Variants in NAALADL2 observed in about 807,000 individuals in gnomAD.
NAALADL2 encodes inactive N-acetylated-alpha-linked acidic dipeptidase-like protein 2.
NAALADL2 carries 76 observed loss-of-function variants against 87.2 expected under a neutral mutation model. The observed-to-expected ratio is 0.87, with a 90% CI of 0.72 to 1.05. NAALADL2 has a LOEUF of 1.05. Ranked by LOEUF, NAALADL2 falls within the 50% of genes least tolerant of loss-of-function variation. NAALADL2 has a pLI of 0.00. For synonymous variants in NAALADL2, 354 were observed against 331.0 expected, an observed-to-expected ratio of 1.07 and a Z score of -0.75; for missense variants, 1,089 against 945.8, an observed-to-expected ratio of 1.15 and a Z score of -1.99.
chr3:175,179,171 T>C (rs1381129299), intron 2 of NAALADL2, among the ~76,000 whole-genome samples: 1 of 152,062 alleles, frequency 6.6e-6, no homozygotes, highest in African/African-American at 2.4e-5. Flanking sequence ...CTTCCATTGA[T>C]AAATCTTCCC....
At chr3:175,295,838 T>A (rs1365858611) in intron 4 of NAALADL2, among the ~76,000 whole-genome samples, 1 of 152,048 alleles carries the variant, frequency 6.6e-6, no homozygotes, top group African/African-American at 2.4e-5. Context: ...ATAATCTGAC[T>A]CTGACCTGTC....
rs1192873546 is a variant in NAALADL2, at chr3:175,361,712, T to A, written c.1090+37387T>A. On this transcript the variant is annotated intron_variant, in intron 5 of 13. Coordinates refer to ENST00000454872, the MANE Select transcript of NAALADL2 (RefSeq NM_207015.3). ...ATCCTTCGCCCACTTTTTGATGGGG[T>A]TGTTTGATTTTTTCTTGTAAATTTG... Among the ~76,000 whole-genome samples, 3 of 148,160 alleles carry A rather than the reference T, an allele frequency of 2.0e-5. 1 individual carries two copies. The East Asian group carries it at 6.0e-4, about 30-fold the overall frequency.
intron 1 of NAALADL2, among the ~76,000 whole-genome samples, chr3:174,504,509 A>G (rs1163393383): frequency 1.3e-5 from 2 of 152,156 alleles, no homozygotes; most frequent in Admixed American, 6.5e-5. Context: ...TATGCAGAGT[A>G]GAAGAGACTT....
intron 1 of NAALADL2, among the ~76,000 whole-genome samples, chr3:174,887,910 A>G (rs1351652562): frequency 6.6e-6 from 1 of 152,092 alleles, no homozygotes; most frequent in Non-Finnish European, 1.5e-5. Flanking sequence ...CAAAAGTAAG[A>G]TAGACAATAA....
chr3:174,752,394 T>A (rs1734922724), intron 3 of NAALADL2, among the ~76,000 whole-genome samples: 2 of 152,322 alleles, frequency 1.3e-5, no homozygotes, highest in African/African-American at 2.4e-5. Flanking sequence ...TAGGTTTTTA[T>A]CTCTTGAATT....
chr3:175,567,056 C>T (rs1048358363), intron 9 of NAALADL2, among the ~76,000 whole-genome samples: 1 of 152,144 alleles, frequency 6.6e-6, no homozygotes, highest in Admixed American at 6.5e-5. Context: ...CTGGAACTTA[C>T]TGTGGTTTAA....
At chr3:174,734,995 C>A (rs1309155276) in intron 2 of NAALADL2, among the ~76,000 whole-genome samples, 2 of 152,022 alleles carry the variant, frequency 1.3e-5, no homozygotes, top group Non-Finnish European at 2.9e-5. Flanking sequence ...TACAATACTA[C>A]AAGTTAATCT....
chr3:175,028,805 A>G (rs1018100678), intron 1 of NAALADL2, among the ~76,000 whole-genome samples: 1 of 151,872 alleles, frequency 6.6e-6, no homozygotes, highest in African/African-American at 2.4e-5. Flanking sequence ...GGAAATAAAA[A>G]TCAATTTTTA....
intron 1 of NAALADL2, among the ~76,000 whole-genome samples, chr3:174,442,847 G>A (rs1402708858): frequency 6.6e-6 from 1 of 152,158 alleles, no homozygotes; most frequent in Admixed American, 6.5e-5. Flanking sequence ...GAAGTCCTCT[G>A]GAGAAGGTGA....
chr3:175,657,603 C>T (rs1318688797), intron 11 of NAALADL2, among the ~76,000 whole-genome samples: 2 of 147,634 alleles, frequency 1.4e-5, no homozygotes, highest in Non-Finnish European at 3.0e-5. Context: ...TCTTTTGAGA[C>T]GGAGTCTTGC....
At chr3:175,756,532 T>C (rs1747283144) in intron 13 of NAALADL2, among the ~76,000 whole-genome samples, 1 of 152,134 alleles carries the variant, frequency 6.6e-6, no homozygotes, top group South Asian at 2.1e-4. Flanking sequence ...GCAGCATGGA[T>C]AGAGCTGGAG....
chr3:174,685,083 A>T (rs990247679), intron 2 of NAALADL2, among the ~76,000 whole-genome samples: 1 of 152,012 alleles, frequency 6.6e-6, no homozygotes, highest in African/African-American at 2.4e-5. Context: ...TCACGGTTTT[A>T]AAAAACTGCT....
At chr3:175,641,936 T>C (rs190497765) in intron 11 of NAALADL2, among the ~76,000 whole-genome samples, 2 of 152,196 alleles carry the variant, frequency 1.3e-5, no homozygotes, top group African/African-American at 2.4e-5. Flanking sequence ...ATGCTATAAT[T>C]TTTTAGTGAA....
At chr3:174,491,569 A>G (rs1718197123) in intron 1 of NAALADL2, among the ~76,000 whole-genome samples, 1 of 152,200 alleles carries the variant, frequency 6.6e-6, no homozygotes, top group Non-Finnish European at 1.5e-5. Context: ...AATTTAGTAT[A>G]TAGCTAGTTT....
chr3:175,230,487 G>A (rs1331792774), intron 2 of NAALADL2, among the ~76,000 whole-genome samples: 2 of 151,838 alleles, frequency 1.3e-5, no homozygotes, highest in Admixed American at 6.6e-5. Context: ...TACATGAAAG[G>A]AAACATGAAT....
chr3:174,828,879 G>T (rs1325993345), intron 3 of NAALADL2, among the ~76,000 whole-genome samples: 1 of 152,084 alleles, frequency 6.6e-6, no homozygotes, highest in Non-Finnish European at 1.5e-5. Flanking sequence ...AGAACAAAAT[G>T]CTCTACATTG....
chr3:175,190,373 C>A (rs993104223), intron 2 of NAALADL2, among the ~76,000 whole-genome samples: 3 of 151,624 alleles, frequency 2.0e-5, no homozygotes, highest in Non-Finnish European at 4.4e-5. Context: ...AAAAAATAAC[C>A]CAATAAAAAA....
chr3:175,763,959 T>C (rs1351723188), intron 13 of NAALADL2, among the ~76,000 whole-genome samples: 1 of 152,098 alleles, frequency 6.6e-6, no homozygotes, highest in African/African-American at 2.4e-5. Flanking sequence ...TTCATTTGGA[T>C]TGATTTGAAA....
At chr3:175,779,144 A>AT (rs1350309600) in intron 13 of NAALADL2, among the ~76,000 whole-genome samples, 4 of 152,162 alleles carry the variant, frequency 2.6e-5, no homozygotes, top group Non-Finnish European at 5.9e-5. Flanking sequence ...ATTTGTGTAG[A>AT]TTTTTGTCAG....
Sources: gnomAD v4.1 joint callset for allele counts (sites outside exome capture counted in the v4.1 genomes callset) on GRCh38, gnomAD v4.1.1 for gene constraint, MANE v1.5 for transcripts, NCBI Gene and HGNC (gene_info 2026-07-23, HGNC 2026-07-21) for gene names.